Variants in DNAJB14 observed in about 807,000 individuals in gnomAD.
DNAJB14 encodes dnaJ homolog subfamily B member 14.
DNAJB14 carries 22 observed loss-of-function variants against 48.4 expected under a neutral mutation model. The ratio of observed to expected loss-of-function variants is 0.45; its 90% confidence interval spans 0.32 to 0.65. The LOEUF (loss-of-function observed/expected upper bound fraction) is 0.65, where lower values mean the gene tolerates loss of function less well. Among genes scored for constraint, DNAJB14 ranks in the 30% least tolerant of loss-of-function variants. The probability of loss-of-function intolerance (pLI) is 0.03; values close to 1 mark genes in which losing one functional copy is unlikely to be tolerated. For synonymous variants in DNAJB14, 142 were observed against 158.7 expected, an observed-to-expected ratio of 0.89 and a Z score of 0.79; for missense variants, 319 against 458.8, an observed-to-expected ratio of 0.70 and a Z score of 2.78.
At chr4:99,926,289 C>G (rs1726250560) in intron 2 of DNAJB14, 1 of 152,112 alleles carries the variant, frequency 6.6e-6, no homozygotes, top group South Asian at 2.1e-4. Context: ...GTTTTGTTCA[C>G]CATATATGTT....
intron 1 of DNAJB14, among the ~76,000 whole-genome samples, chr4:99,945,955 G>A (rs554193423): frequency 1.3e-5 from 2 of 152,282 alleles, no homozygotes; most frequent in East Asian, 3.9e-4. Context: ...TCAGGTATTC[G>A]ATGTTTGCTT....
chr4:99,919,985 TCTAACTTTTCTTTG>T (rs1031297800), intron 3 of DNAJB14, among the ~76,000 whole-genome samples: 6 of 152,220 alleles, frequency 3.9e-5, no homozygotes. Flanking sequence ...TCTTCATCTT[TCTAACTTTTCTTTG>T]GACTTCTGTA....
At chr4:99,928,628 G>C in intron 2 of DNAJB14, 1 of 438,210 alleles carries the variant, frequency 2.3e-6, no homozygotes, top group African/African-American at 2.0e-5. Context: ...CTAGGGTAGA[G>C]GAAATGAAGA....
intron 2 of DNAJB14, chr4:99,924,000 TAAGAGATTTAAGC>T: frequency 4.9e-6 from 2 of 407,618 alleles, no homozygotes; most frequent in Non-Finnish European, 3.3e-6. Context: ...CTTAAAGATT[TAAGAGATTTAAGC>T]CTGAAATCTT....
intron 5 of DNAJB14, chr4:99,906,208 A>G (rs1164275444): frequency 8.9e-6 from 12 of 1,352,500 alleles, no homozygotes; most frequent in Non-Finnish European, 8.7e-6. Flanking sequence ...CTCCAATTCA[A>G]GTTTTTCAGT....
chr4:99,913,530 T>A (rs1358747709), intron 3 of DNAJB14, among the ~76,000 whole-genome samples: 1 of 152,124 alleles, frequency 6.6e-6, no homozygotes, highest in East Asian at 1.9e-4. Context: ...ACTTCTATTG[T>A]TTGGGGTATA....
Position 99,900,969 on chromosome 4 carries a change from C to G in DNAJB14, c.*59G>C. The G allele has an allele frequency of 6.5e-7, 1 of 1,543,744 alleles. No individual in the cohort carries two copies. Among genetic ancestry groups the G allele is most frequent in the South Asian group, 1.2e-5 (1 of 81,168 alleles). On this transcript the variant is annotated 3_prime_UTR_variant, in exon 8 of 8. Transcript: ENST00000442697. ...TTTCCTTCATCCCTCATGATGAAAC[C>G]AAACTTACTTACAGAAAAAATAAAG... is the stretch of plus-strand genomic sequence containing the variant.
chr4:99,904,753 C>G lies in DNAJB14; in HGVS notation c.842+844G>C, dbSNP rs562974456. On this transcript the variant is annotated intron_variant, in intron 6 of 7. Transcript: ENST00000442697. ...TATACTATGCTTTTGTAAAGTATCT[C>G]AATTTTTTGTTAATAAAAATCTTAT... is the stretch of plus-strand genomic sequence containing the variant. Among the ~76,000 whole-genome samples, 19 of 151,838 alleles carry G rather than the reference C, an allele frequency of 1.3e-4. 1 individual carries two copies. In the South Asian group the frequency reaches 3.5e-3, roughly 28 times the overall value.
At chr4:99,912,887 T>C (rs115604945) in intron 3 of DNAJB14, among the ~76,000 whole-genome samples, 1,821 of 152,346 alleles carry the variant, frequency 0.012, 24 homozygotes, top group Admixed American at 0.031. Flanking sequence ...TAGCTTTCAG[T>C]ATATAAATGT....
At chr4:99,938,994 C>T (rs1282685774) in intron 1 of DNAJB14, among the ~76,000 whole-genome samples, 8 of 151,612 alleles carry the variant, frequency 5.3e-5, no homozygotes, top group Admixed American at 4.6e-4. Flanking sequence ...ATAAATATTT[C>T]GGCCAATAAA....
At chr4:99,934,947 C>T (rs955885760) in intron 1 of DNAJB14, among the ~76,000 whole-genome samples, 1 of 146,482 alleles carries the variant, frequency 6.8e-6, no homozygotes, top group Non-Finnish European at 1.5e-5. Flanking sequence ...CAGGATAATG[C>T]TTAAAAGAGA....
intron 1 of DNAJB14, among the ~76,000 whole-genome samples, chr4:99,931,751 T>C (rs946117822): frequency 6.0e-5 from 9 of 150,366 alleles, no homozygotes; most frequent in East Asian, 6.0e-4. Context: ...TATATATATA[T>C]ACCACAATCT....
intron 1 of DNAJB14, among the ~76,000 whole-genome samples, chr4:99,943,743 A>C (rs2110227882): frequency 6.6e-6 from 1 of 152,336 alleles, no homozygotes; most frequent in African/African-American, 2.4e-5. Context: ...CTTAATGTTA[A>C]AACTGTCCCT....
intron 1 of DNAJB14, among the ~76,000 whole-genome samples, chr4:99,939,229 G>A (rs1726801299): frequency 6.6e-6 from 1 of 152,188 alleles, no homozygotes. Flanking sequence ...GGACATGGTG[G>A]TGCATGCCTG....
intron 2 of DNAJB14, chr4:99,928,485 C>T (rs1726336590): frequency 5.0e-6 from 2 of 402,656 alleles, no homozygotes; most frequent in Non-Finnish European, 1.0e-5. Flanking sequence ...ACCACACACA[C>T]AACCACCCAC....
chr4:99,930,291 A>T, intron 2 of DNAJB14, 159 bp downstream of exon 2: 3 of 580,346 alleles, frequency 5.2e-6, no homozygotes, highest in Non-Finnish European at 8.2e-6. Flanking sequence ...TACTTTACAG[A>T]CCAGTTTTAT....
chr4:99,906,130 T>C (rs761503187), intron 5 of DNAJB14: 2 of 1,315,336 alleles, frequency 1.5e-6, no homozygotes, highest in African/African-American at 3.0e-5. Context: ...TCCATTTACC[T>C]TTCCACTTCA....
At chr4:99,924,631 G>A (rs759083552) in intron 2 of DNAJB14, 364 of 1,154,018 alleles carry the variant, frequency 3.2e-4, no homozygotes, top group Non-Finnish European at 4.2e-4. Context: ...AGTGTTCTAG[G>A]CATTTGACAT....
intron 1 of DNAJB14, among the ~76,000 whole-genome samples, chr4:99,936,264 GA>G (rs1726670529): frequency 6.6e-6 from 1 of 152,158 alleles, no homozygotes; most frequent in Non-Finnish European, 1.5e-5. Flanking sequence ...ATTCTGTTCT[GA>G]TTCTCTAACA....
Sources: allele counts gnomAD v4.1 joint callset (sites outside exome capture counted in the v4.1 genomes callset), GRCh38; gene constraint gnomAD v4.1.1; transcripts MANE v1.5; gene names NCBI Gene and HGNC (gene_info 2026-07-23, HGNC 2026-07-21).